The following SHISA6 variants were observed in gnomAD, a reference collection of about 807,000 sequenced individuals.
SHISA6 encodes protein shisa-6.
Under a neutral mutation model 47.9 loss-of-function variants are expected in SHISA6, and 22 were observed. That is an observed-to-expected ratio of 0.46 (90% CI 0.33 to 0.66). The LOEUF is 0.66. SHISA6 is among the 30% of genes least tolerant of loss of function. The pLI is 0.02. For missense variants in SHISA6, 680 were observed against 764.6 expected (o/e 0.89, Z 1.30); for synonymous variants, 388 against 337.8 (o/e 1.15, Z -1.63).
intron 3 of SHISA6, among the ~76,000 whole-genome samples, chr17:11,409,488 G>A (rs866574055): frequency 3.3e-5 from 5 of 151,972 alleles, no homozygotes; most frequent in African/African-American, 9.7e-5. Flanking sequence ...GGCGGATCAC[G>A]AAGTCAGGAG....
intron 3 of SHISA6, among the ~76,000 whole-genome samples, chr17:11,515,329 G>GA (rs1336670593): frequency 7.7e-6 from 1 of 129,500 alleles, no homozygotes; most frequent in Admixed American, 7.5e-5. Flanking sequence ...AGGAAGGAAG[G>GA]AAGGAAGGAA....
intron 2 of SHISA6, among the ~76,000 whole-genome samples, chr17:11,301,548 C>T (rs1044528478): frequency 4.6e-5 from 7 of 152,132 alleles, no homozygotes; most frequent in Non-Finnish European, 8.8e-5. Context: ...CTGGTCACAC[C>T]GTGCATGAAT....
intron 2 of SHISA6, among the ~76,000 whole-genome samples, chr17:11,362,007 TCAA>T (rs1912304646): frequency 6.6e-6 from 1 of 152,208 alleles, no homozygotes; most frequent in Non-Finnish European, 1.5e-5. Context: ...AGCCATTTGA[TCAA>T]CCGAGGGGTT....
intron 2 of SHISA6, among the ~76,000 whole-genome samples, chr17:11,305,961 G>A (rs1312310078): frequency 6.6e-6 from 1 of 152,086 alleles, no homozygotes; most frequent in East Asian, 1.9e-4. Flanking sequence ...CAGCGCCTCT[G>A]AACACCAGAT....
chr17:11,318,992 C>T (rs148447737), intron 2 of SHISA6, among the ~76,000 whole-genome samples: 47 of 151,950 alleles, frequency 3.1e-4, no homozygotes, highest in African/African-American at 9.6e-4. Flanking sequence ...TGTACTTCAA[C>T]CTGGTCTATT....
intron 3 of SHISA6, among the ~76,000 whole-genome samples, chr17:11,550,305 T>C (rs2071920046): frequency 6.6e-6 from 1 of 152,152 alleles, no homozygotes; most frequent in Non-Finnish European, 1.5e-5. Flanking sequence ...TCCATCTGCC[T>C]TGGCCTCTCA....
At chr17:11,524,112 A>G (rs1407324925) in intron 3 of SHISA6, among the ~76,000 whole-genome samples, 1 of 152,100 alleles carries the variant, frequency 6.6e-6, no homozygotes, top group African/African-American at 2.4e-5. Context: ...AGAAAGAAAG[A>G]AAATAATACA....
At chr17:11,408,003 C>G (rs72807145) in intron 3 of SHISA6, among the ~76,000 whole-genome samples, 15,797 of 152,192 alleles carry the variant, frequency 0.1, 908 homozygotes, top group African/African-American at 0.14. Context: ...TTCCCCGACA[C>G]CATCAAATGA....
intron 1 of SHISA6, among the ~76,000 whole-genome samples, chr17:11,248,271 A>G (rs971288487): frequency 1.3e-5 from 2 of 152,186 alleles, no homozygotes; most frequent in African/African-American, 2.4e-5. Context: ...AAAGCAGGGT[A>G]GTACATTCTA....
At chr17:11,344,678 T>TG (rs1468936986) in intron 2 of SHISA6, among the ~76,000 whole-genome samples, 1 of 152,168 alleles carries the variant, frequency 6.6e-6, no homozygotes, top group African/African-American at 2.4e-5. Context: ...TACATATTTG[T>TG]GGGGTACAGA....
At chr17:11,546,425 T>C (rs2071884418) in intron 3 of SHISA6, among the ~76,000 whole-genome samples, 1 of 152,202 alleles carries the variant, frequency 6.6e-6, no homozygotes, top group South Asian at 2.1e-4. Flanking sequence ...TTTTAGCTAA[T>C]TGGACAACCC....
chr17:11,379,505 C>A lies in SHISA6; in HGVS notation c.891C>A (p.Thr297=), dbSNP rs1386329270. 6.5e-7 allele frequency: 1 copy of A among 1,535,122 alleles called. No individual in the cohort carries two copies. Among genetic ancestry groups the A allele is most frequent in the South Asian group, 1.2e-5 (1 of 81,656 alleles). ...TTGTCACATTAGGAAGAGGACACAC[C>A]AAGGGTACAGTGGAAACCATTTTTT... is the stretch of plus-strand genomic sequence containing the variant. ...SGFVTLGRGH[T]KGDHQYNHPI... The change falls in exon 3 of 6, where the codon ACC becomes ACA. Residue 297 remains threonine (T), a synonymous_variant. Transcript: ENST00000441885.
At chr17:11,364,506 T>C (rs1162472161) in intron 2 of SHISA6, among the ~76,000 whole-genome samples, 2 of 152,254 alleles carry the variant, frequency 1.3e-5, no homozygotes, top group African/African-American at 2.4e-5. Flanking sequence ...TTCACACTTT[T>C]TGAAGTATTT....
At chr17:11,458,752 T>C (rs1015547955) in intron 3 of SHISA6, among the ~76,000 whole-genome samples, 1 of 152,150 alleles carries the variant, frequency 6.6e-6, no homozygotes, top group Non-Finnish European at 1.5e-5. Flanking sequence ...TCCTCCCAGA[T>C]TTAGACAGGC....
chr17:11,323,006 T>C (rs920727571), intron 2 of SHISA6, among the ~76,000 whole-genome samples: 9 of 152,326 alleles, frequency 5.9e-5, no homozygotes, highest in African/African-American at 2.2e-4. Flanking sequence ...TGATTCACTC[T>C]GACATTGGTG....
At chr17:11,318,851 G>A (rs576469587) in intron 2 of SHISA6, among the ~76,000 whole-genome samples, 10 of 152,000 alleles carry the variant, frequency 6.6e-5, no homozygotes, top group South Asian at 2.1e-4. Flanking sequence ...TTTTCATTCC[G>A]TCCTTTTCTG....
intron 3 of SHISA6, among the ~76,000 whole-genome samples, chr17:11,405,958 CAT>C (rs1299083176): frequency 6.6e-6 from 1 of 152,180 alleles, no homozygotes; most frequent in African/African-American, 2.4e-5. Context: ...AGCTGCACTG[CAT>C]ATGTTTTTCC....
intron 3 of SHISA6, among the ~76,000 whole-genome samples, chr17:11,506,732 C>T (rs2071501877): frequency 6.6e-6 from 1 of 152,218 alleles, no homozygotes; most frequent in African/African-American, 2.4e-5. Flanking sequence ...AAGCATGTAA[C>T]TGCTGTGAGC....
chr17:11,263,202 CCT>C (rs1408126621), intron 1 of SHISA6, among the ~76,000 whole-genome samples, 162 bp from the exon 2 acceptor site: 6 of 152,112 alleles, frequency 3.9e-5, no homozygotes, highest in African/African-American at 7.2e-5. Flanking sequence ...CTGTGTCCCC[CCT>C]GAGACCAACA....
Sources: allele counts gnomAD v4.1 joint callset (sites outside exome capture counted in the v4.1 genomes callset), GRCh38; gene constraint gnomAD v4.1.1; transcripts MANE v1.5; gene names NCBI Gene and HGNC (gene_info 2026-07-23, HGNC 2026-07-21).